STAC2: variants seen among roughly 807,000 people sequenced by gnomAD.
The protein encoded by STAC2 is SH3 and cysteine-rich domain-containing protein 2.
A neutral mutation model predicts 49.0 loss-of-function variants in STAC2; 36 were observed. The observed-to-expected ratio is 0.74, with a 90% confidence interval of 0.56 to 0.97. The LOEUF (loss-of-function observed/expected upper bound fraction) is 0.97, where lower values mean the gene tolerates loss of function less well. STAC2 is among the 50% of genes least tolerant of loss of function. STAC2 has a pLI of 0.00. For missense variants in STAC2, 527 were observed against 543.8 expected, an observed-to-expected ratio of 0.97 and a Z score of 0.31; for synonymous variants, 239 against 214.7, an observed-to-expected ratio of 1.11 and a Z score of -0.99.
At chr17:39,212,937 C>CT in intron 10 of STAC2, 58 bp downstream of exon 10, 1 of 1,596,278 alleles carries the variant, frequency 6.3e-7, no homozygotes, top group Non-Finnish European at 8.5e-7. Flanking sequence ...CGCAGCCTGT[C>CT]TCCCCCGCCC....
chr17:39,218,829 C>T lies in STAC2; in HGVS notation c.91-656G>A, dbSNP rs954026496. On this transcript the variant is annotated intron_variant, in intron 1 of 10. Transcript: ENST00000333461. ...CTGAGAGGCTGAGGCGGGAGGGAAT[C>T]GCTTGAGCCAAGCAGTTGGAGACCA... Among the ~76,000 whole-genome samples, 5 of 151,886 alleles carry T rather than the reference C, an allele frequency of 3.3e-5. No individual in the cohort carries two copies. The South Asian group carries it at 8.3e-4, about 25-fold the overall frequency.
chr17:39,218,346 C>T (rs55771778), intron 1 of STAC2, among the ~76,000 whole-genome samples, 173 bp from the exon 2 acceptor site: 2 of 151,586 alleles, frequency 1.3e-5, no homozygotes, highest in African/African-American at 4.9e-5. Context: ...CAGGTCCCGA[C>T]GACACTTCGC....
chr17:39,218,846 T>G (rs2046434947), intron 1 of STAC2, among the ~76,000 whole-genome samples: 1 of 152,100 alleles, frequency 6.6e-6, no homozygotes. Context: ...GCCAAGCAGT[T>G]GGAGACCAGC....
At chr17:39,215,263 G>A in intron 4 of STAC2, 33 bp from the exon 5 acceptor site, 1 of 1,609,214 alleles carries the variant, frequency 6.2e-7, no homozygotes, top group Non-Finnish European at 8.5e-7. Flanking sequence ...GCCTGGCTCT[G>A]CCTCAAAGCC....
At chr17:39,224,397 C>T (rs147737253) in intron 1 of STAC2, among the ~76,000 whole-genome samples, 1 of 152,264 alleles carries the variant, frequency 6.6e-6, no homozygotes, top group Non-Finnish European at 1.5e-5. Context: ...CTTTCTATCC[C>T]AACCCCAGGC....
rs935863134 is a variant in STAC2, at chr17:39,218,250, TGGCGGTAGG to T, written c.91-86_91-78del. 1.5e-5 allele frequency: 23 copies of T among 1,500,434 alleles called. No individual in the cohort carries two copies. In the Admixed American group the frequency reaches 2.6e-4, roughly 17 times the overall value. 92.9% of individuals were successfully genotyped at this position (1,500,434 alleles called of 1,614,324 possible). A position where few individuals can be genotyped will look rare whatever the true frequency, so the allele number is the denominator to read the frequency against. On this transcript the variant is annotated intron_variant, in intron 1 of 10. Transcript: ENST00000333461. ...GGCGGGCTTCCCTTCAGGGTGTCTC[TGGCGGTAGG>T]GGCGGCAGCAGCAGCAGCAGCAGCA...
At chr17:39,221,348 C>T (rs2046460990) in intron 1 of STAC2, among the ~76,000 whole-genome samples, 1 of 151,420 alleles carries the variant, frequency 6.6e-6, no homozygotes, top group Non-Finnish European at 1.5e-5. Context: ...ATCCGCCCAC[C>T]TTGGCCTCCC....
rs557020463 is a variant in STAC2 at position 39,210,789 on chromosome 17, G to C, written c.*1503C>G. On this transcript the variant is annotated 3_prime_UTR_variant, in exon 11 of 11. Coordinates refer to ENST00000333461, the MANE Select transcript of STAC2 (RefSeq NM_198993.5). ...GAGGGTGTAACTGTGCCCAGGATGGGGGTGGCATGGGCTGGCACAATCAAG... is the reference window on the plus strand; with the variant it reads ...GAGGGTGTAACTGTGCCCAGGATGGCGGTGGCATGGGCTGGCACAATCAAG... 40 of 152,514 alleles carry C rather than the reference G, an allele frequency of 2.6e-4. No individual in the cohort carries two copies. Among genetic ancestry groups the C allele is most frequent in the African/African-American group, 9.4e-4 (39 of 41,472 alleles). The allele number at this position is 152,514 out of a possible 1,614,324, so 9.4% of individuals were successfully genotyped here.
In STAC2 at chr17:39,225,517, G is replaced by C. The variant is rs1457733076; in HGVS notation, c.-15C>G. The C allele has an allele frequency of 1.2e-6, 2 of 1,609,136 alleles. No individual in the cohort carries two copies. Among genetic ancestry groups the C allele is most frequent in the South Asian group, 1.1e-5 (1 of 91,018 alleles). On this transcript the variant is annotated 5_prime_UTR_variant, in exon 1 of 11. Coordinates refer to ENST00000333461, the MANE Select transcript of STAC2 (RefSeq NM_198993.5). The surrounding 1 kb of genome is among the most constrained non-coding windows in gnomAD (Gnocchi z 8.2). ...ATCTCGGTCATGGTTCGGGGAGAGG[G>C]GAGGAGAGGGTGCCGAGATCCGACG...
intron 1 of STAC2, among the ~76,000 whole-genome samples, chr17:39,223,207 T>C (rs2046478729): frequency 6.6e-6 from 1 of 152,152 alleles, no homozygotes; most frequent in African/African-American, 2.4e-5. Context: ...CTGAGCTTGG[T>C]GGGCGGCACC....
rs369238642 is a variant in STAC2, at chr17:39,212,319, C to G, written c.1209G>C (p.Val403=). The change falls in exon 11 of 11, where the codon GTG becomes GTC. Residue 403 remains valine (V), a synonymous_variant. Coordinates refer to ENST00000333461, the MANE Select transcript of STAC2 (RefSeq NM_198993.5). The part of the protein sequence containing the change: ...RVSSGKKRGL[V]PVDALTEI ...AGATCTCAGTCAGGGCGTCGACTGG[C>G]ACCAGGCCCCGCTTCTTGCCACTGC... 6.2e-7 allele frequency: 1 copy of G among 1,611,868 alleles called. No individual in the cohort carries two copies. Among genetic ancestry groups the G allele is most frequent in the Non-Finnish European group, 8.5e-7 (1 of 1,178,948 alleles).
intron 7 of STAC2, 53 bp from the exon 8 acceptor site, chr17:39,214,383 C>T (rs1052322466): frequency 5.0e-6 from 8 of 1,609,472 alleles, no homozygotes; most frequent in South Asian, 3.3e-5. Flanking sequence ...TCACTCCCCC[C>T]ACTCTCCACT....
intron 1 of STAC2, among the ~76,000 whole-genome samples, chr17:39,218,838 C>G (rs554270366): frequency 6.6e-6 from 1 of 152,068 alleles, no homozygotes; most frequent in Non-Finnish European, 1.5e-5. Context: ...TCGCTTGAGC[C>G]AAGCAGTTGG....
chr17:39,225,240 C>A lies in STAC2; in HGVS notation c.90+173G>T, dbSNP rs1182472261. Among the ~76,000 whole-genome samples the A allele has an allele frequency of 2.0e-5, 3 of 152,146 alleles. No individual in the cohort carries two copies. Among genetic ancestry groups the A allele is most frequent in the Admixed American group, 2.0e-4 (3 of 15,286 alleles). ...GCGGTGCCGGTGTGATCGGGGGCTC[C>A]TTGTGGCCCCTCGTCGCCAACCCAC... is the stretch of plus-strand genomic sequence containing the variant. On this transcript the variant is annotated intron_variant, in intron 1 of 10. Transcript: ENST00000333461. The surrounding 1 kb of genome is among the most constrained non-coding windows in gnomAD (Gnocchi z 8.2).
chr17:39,216,928 TGAG>T, intron 3 of STAC2, 28 bp from the exon 4 acceptor site: 10 of 1,587,216 alleles, frequency 6.3e-6, no homozygotes, highest in Non-Finnish European at 8.6e-6. Flanking sequence ...AGAGAGGTTT[TGAG>T]GAGGTCATGG....
intron 4 of STAC2, among the ~76,000 whole-genome samples, chr17:39,216,087 C>T (rs1425902069): frequency 6.6e-6 from 1 of 152,194 alleles, no homozygotes; most frequent in South Asian, 2.1e-4. Flanking sequence ...ACCCCTCATG[C>T]CTCATCCTTC....
At chr17:39,220,505 C>G (rs2046451009) in intron 1 of STAC2, among the ~76,000 whole-genome samples, 1 of 150,694 alleles carries the variant, frequency 6.6e-6, no homozygotes, top group African/African-American at 2.4e-5. Context: ...GATGGAGTCT[C>G]ACTCTGTCAC....
At chr17:39,214,668 G>T (rs1161104371) in intron 7 of STAC2, 123 bp downstream of exon 7, 44 of 1,267,750 alleles carry the variant, frequency 3.5e-5, no homozygotes, top group Non-Finnish European at 3.1e-5. Context: ...CATCCCTGAG[G>T]ATAAGTGAGG....
intron 7 of STAC2, chr17:39,214,562 G>T: frequency 1.3e-6 from 1 of 789,252 alleles, no homozygotes; most frequent in Non-Finnish European, 1.5e-6. Context: ...GGGGCTGCCT[G>T]CCTTTGGGAG....
Sources: gnomAD v4.1 joint callset for allele counts (sites outside exome capture counted in the v4.1 genomes callset) on GRCh38, gnomAD v4.1.1 for gene constraint, Gnocchi (gnomAD v3.1) non-coding constraint, MANE v1.5 for transcripts, NCBI Gene and HGNC (gene_info 2026-07-23, HGNC 2026-07-21) for gene names.